DMBT1: variants seen among roughly 807,000 people sequenced by gnomAD.
DMBT1 encodes the protein scavenger receptor cysteine-rich domain-containing protein DMBT1.
DMBT1 carries 198 observed loss-of-function variants against 252.9 expected under a neutral mutation model. The ratio of observed to expected loss-of-function variants is 0.78; its 90% confidence interval spans 0.70 to 0.88. The LOEUF (loss-of-function observed/expected upper bound fraction) is 0.88, where lower values mean the gene tolerates loss of function less well. Ranked by LOEUF, DMBT1 falls within the 40% of genes least tolerant of loss-of-function variation. The pLI is 0.00. For missense variants in DMBT1, 2,432 were observed against 2,404.7 expected (o/e 1.01, Z -0.24); for synonymous variants, 990 against 942.7 (o/e 1.05, Z -0.92).
At chr10:122,631,950 G>A in intron 50 of DMBT1, 75 bp downstream of exon 50, 1 of 1,515,624 alleles carries the variant, frequency 6.6e-7, no homozygotes, top group East Asian at 2.3e-5. Context: ...ACTGTGCAGG[G>A]CATGTTGCTC....
chr10:122,617,479 C>G (rs541711771), intron 40 of DMBT1, among the ~76,000 whole-genome samples: 1 of 151,536 alleles, frequency 6.6e-6, no homozygotes, highest in African/African-American at 2.4e-5. Context: ...TCCAAGTGTT[C>G]AGGAACGATC....
At position 122,637,138 on chromosome 10, in the gene DMBT1, T is replaced by C; in HGVS notation, c.6768T>C (p.Cys2256=). 1 of 1,613,886 alleles carries C rather than the reference T, an allele frequency of 6.2e-7. No individual in the cohort carries two copies. The highest frequency in any genetic ancestry group is 8.5e-7 in the Non-Finnish European group (1 of 1,179,832). Residue 2256 remains cysteine, a synonymous_variant, in exon 54 of 56, where the codon TGT becomes TGC. Coordinates refer to ENST00000338354, the MANE Select transcript of DMBT1 (RefSeq NM_001377530.1). ...GTCCTTGTCTATCAGACCTGCTCTG[T>C]CTGCCAAATCACATGCAAGCCAGTG... ...SPSNDSTNLL[C]LPNHMQASVS...
rs927305830 is a variant in DMBT1 at position 122,588,744 on chromosome 10, G to A, written c.1784-200G>A. Reference sequence around the variant, plus strand: ...TCACAGGTGCTTCCCCAAAACTTGAGCCTTCATAAACCCAAGGAGAATAGT... The same window carrying A: ...TCACAGGTGCTTCCCCAAAACTTGAACCTTCATAAACCCAAGGAGAATAGT... On this transcript the variant is annotated intron_variant, in intron 16 of 55. Transcript: ENST00000338354. Among the ~76,000 whole-genome samples, 4 of 148,862 alleles carry A rather than the reference G, an allele frequency of 2.7e-5. 1 individual carries two copies. The highest frequency in any genetic ancestry group is 3.2e-3 in the Middle Eastern group (1 of 314).
At chr10:122,570,243 A>G in intron 3 of DMBT1, 34 bp downstream of exon 3, 2 of 1,477,512 alleles carry the variant, frequency 1.4e-6, no homozygotes, top group Non-Finnish European at 1.9e-6. Flanking sequence ...CTGTGGGCTC[A>G]TTACCCCACT....
Position 122,643,624 on chromosome 10 carries a change from T to C in DMBT1, c.*226T>C. 1 of 599,698 alleles carries C rather than the reference T, an allele frequency of 1.7e-6. No homozygotes were observed. The highest frequency in any genetic ancestry group is 2.9e-6 in the Non-Finnish European group (1 of 345,880). 37.1% of individuals were successfully genotyped at this position (599,698 alleles called of 1,614,324 possible). On this transcript the variant is annotated 3_prime_UTR_variant, in exon 56 of 56. Transcript: ENST00000338354. ...AGAGAGTTCTGACCTGGATGGCCCA[T>C]AGACCTGACGTCCCAGAATCCATGC...
At chr10:122,619,216 G>A in intron 41 of DMBT1, 92 bp from the exon 42 acceptor site, 1 of 1,524,480 alleles carries the variant, frequency 6.6e-7, no homozygotes, top group South Asian at 1.1e-5. Flanking sequence ...TGGACTGAGT[G>A]TCAGGCTTGC....
intron 55 of DMBT1, among the ~76,000 whole-genome samples, 180 bp downstream of exon 55, chr10:122,640,629 C>T (rs1844351985): frequency 6.6e-6 from 1 of 152,202 alleles, no homozygotes; most frequent in Admixed American, 6.5e-5. Context: ...GGTGCTTTTA[C>T]TCTGTGTTCT....
rs2097749392 is a variant in DMBT1 at position 122,579,711 on chromosome 10, C to T, written c.813C>T (p.Val271=). 1.2e-6 allele frequency: 2 copies of T among 1,613,870 alleles called. No homozygotes were observed. The highest frequency in any genetic ancestry group is 1.7e-6 in the Non-Finnish European group (2 of 1,179,812). ...GGGACACCAATGATGCCAATGTGGT[C>T]TGCAGGCAGCTGGGCTGTGGCTGGG... ...DYWDTNDANV[V]CRQLGCGWAM... Residue 271 remains valine, a synonymous_variant, in exon 10 of 56, where the codon GTC becomes GTT. Transcript: ENST00000338354.
At chr10:122,632,262 T>C (rs1310502047) in intron 50 of DMBT1, among the ~76,000 whole-genome samples, 4 of 150,804 alleles carry the variant, frequency 2.7e-5, no homozygotes, top group African/African-American at 9.8e-5. Flanking sequence ...CACCCCCCAC[T>C]GCCCCGCCCC....
At chr10:122,569,487 G>T (rs1172170841) in intron 2 of DMBT1, among the ~76,000 whole-genome samples, 1 of 152,158 alleles carries the variant, frequency 6.6e-6, no homozygotes, top group Non-Finnish European at 1.5e-5. Context: ...GGACACCAAG[G>T]GGTCCTTTAG....
intron 48 of DMBT1, 71 bp from the exon 49 acceptor site, chr10:122,630,890 G>A (rs1241038477): frequency 4.7e-6 from 7 of 1,494,960 alleles, no homozygotes; most frequent in Admixed American, 3.9e-5. Flanking sequence ...GGGATGCTTG[G>A]CCTTTGAGGT....
intron 46 of DMBT1, among the ~76,000 whole-genome samples, chr10:122,628,925 T>C (rs2098137694): frequency 6.6e-6 from 1 of 152,040 alleles, no homozygotes; most frequent in Non-Finnish European, 1.5e-5. Context: ...GAGCTCTCAG[T>C]ATGCTAAAAA....
chr10:122,576,179 T>C (rs1380376130), intron 6 of DMBT1, among the ~76,000 whole-genome samples: 1 of 152,170 alleles, frequency 6.6e-6, no homozygotes, highest in Non-Finnish European at 1.5e-5. Flanking sequence ...AGGAGCCTTT[T>C]ATTCTGCTCC....
chr10:122,625,325 C>T, intron 45 of DMBT1, 22 bp downstream of exon 45: 2 of 1,604,964 alleles, frequency 1.2e-6, no homozygotes, highest in Non-Finnish European at 1.7e-6. Context: ...ACACCCCAGT[C>T]CAGCAATATT....
At chr10:122,633,424 A>G in intron 52 of DMBT1, 83 bp downstream of exon 52, 1 of 1,565,838 alleles carries the variant, frequency 6.4e-7, no homozygotes, top group Non-Finnish European at 8.6e-7. Flanking sequence ...TGCGCCCAGA[A>G]GAATGCCTTG....
intron 43 of DMBT1, 139 bp downstream of exon 43, chr10:122,620,430 C>G: frequency 1.0e-6 from 1 of 982,198 alleles, no homozygotes; most frequent in Non-Finnish European, 1.5e-6. Context: ...GGTAGACTCC[C>G]TGGGAACCTA....
intron 52 of DMBT1, among the ~76,000 whole-genome samples, chr10:122,634,807 A>C (rs573486866): frequency 2.0e-5 from 3 of 152,218 alleles, no homozygotes; most frequent in African/African-American, 7.2e-5. Context: ...TCAAAAGTAC[A>C]TTAATATATG....
In DMBT1 at chr10:122,640,175, A is replaced by C. The variant is rs373611718; in HGVS notation, c.7078A>C (p.Ile2360Leu). Residue 2360 changes from isoleucine (I) to leucine (L), a missense_variant, in exon 55 of 56, where the codon ATT (isoleucine) becomes CTT (leucine). This residue lies in a region of DMBT1 where 1,162 missense variants were observed against 1,169.0 expected (regional missense o/e 0.99). Coordinates refer to ENST00000338354, the MANE Select transcript of DMBT1 (RefSeq NM_001377530.1). ...LQNTWVDTMY[I>L]ANDTIHVANN... Reference sequence around the variant, plus strand: ...GAACACCTGGGTCGACACCATGTACATTGCTAATGACACCATCCACGTTGC... The same window carrying C: ...GAACACCTGGGTCGACACCATGTACCTTGCTAATGACACCATCCACGTTGC... 6.2e-7 allele frequency: 1 copy of C among 1,614,058 alleles called. No homozygotes were observed. Among genetic ancestry groups the C allele is most frequent in the Non-Finnish European group, 8.5e-7 (1 of 1,179,902 alleles).
At position 122,592,580 on chromosome 10, in the gene DMBT1, G is replaced by A; in HGVS notation, c.2485G>A (p.Gly829Ser). ...SHNCGHHEDA[G>S]VICSVSQSRP... ...CAACTGTGGCCATCATGAAGATGCT[G>A]GTGTCATCTGCTCAGGTGGGCCTCC... The change falls in exon 20 of 56, where the codon GGT becomes AGT. Residue 829 changes from glycine to serine, a missense_variant. By Grantham distance (56) the Gly-to-Ser change is moderately conservative. Coordinates refer to ENST00000338354, the MANE Select transcript of DMBT1 (RefSeq NM_001377530.1). The A allele has an allele frequency of 2.5e-6, 4 of 1,588,444 alleles. 1 individual carries two copies. In the East Asian group the frequency reaches 7.0e-5, roughly 28 times the overall value.
Sources: allele counts gnomAD v4.1 joint callset (sites outside exome capture counted in the v4.1 genomes callset), GRCh38; gene constraint gnomAD v4.1.1; regional missense constraint gnomAD v4.1.1; transcripts MANE v1.5; gene names NCBI Gene and HGNC (gene_info 2026-07-23, HGNC 2026-07-21).